Variants in ESCO1 observed in about 807,000 individuals in gnomAD.
The protein encoded by ESCO1 is N-acetyltransferase ESCO1.
Under a neutral mutation model 83.5 loss-of-function variants are expected in ESCO1, and 33 were observed. That is an observed-to-expected ratio of 0.40 (90% CI 0.30 to 0.53). The LOEUF (loss-of-function observed/expected upper bound fraction) is 0.53. Ranked by LOEUF, ESCO1 falls within the 20% of genes least tolerant of loss-of-function variation. The pLI is 0.63. For missense variants in ESCO1, 855 were observed against 968.0 expected (o/e 0.88, Z 1.55); for synonymous variants, 332 against 324.3 (o/e 1.02, Z -0.25).
chr18:21,537,514 GAC>G (rs1466564625), intron 9 of ESCO1, among the ~76,000 whole-genome samples: 2 of 152,170 alleles, frequency 1.3e-5, no homozygotes, highest in Non-Finnish European at 2.9e-5. Flanking sequence ...CAGCCTGGGT[GAC>G]AGAGTGGAAT....
chr18:21,599,788 C>T (rs941182315), intron 1 of ESCO1, among the ~76,000 whole-genome samples: 7 of 152,156 alleles, frequency 4.6e-5, no homozygotes, highest in African/African-American at 1.7e-4. Flanking sequence ...TCGGACGCAT[C>T]ATTGAGAGGC....
chr18:21,543,116 TC>T (rs1330574703), intron 8 of ESCO1, among the ~76,000 whole-genome samples: 1 of 152,212 alleles, frequency 6.6e-6, no homozygotes, highest in Non-Finnish European at 1.5e-5. Context: ...AACTTTATAT[TC>T]CTAATTTGTA....
intron 1 of ESCO1, among the ~76,000 whole-genome samples, chr18:21,589,935 C>T (rs1353022945): frequency 6.6e-6 from 1 of 151,868 alleles, no homozygotes; most frequent in Non-Finnish European, 1.5e-5. Flanking sequence ...TCATGCCATT[C>T]TCCTGCCTTA....
intron 7 of ESCO1, among the ~76,000 whole-genome samples, chr18:21,561,407 TGCCACCATGTCTG>T (rs1234722807): frequency 1.3e-5 from 2 of 152,076 alleles, no homozygotes; most frequent in African/African-American, 4.8e-5. Flanking sequence ...TACAGGGATG[TGCCACCATGTCTG>T]GCTAATTTTT....
intron 4 of ESCO1, among the ~76,000 whole-genome samples, chr18:21,568,778 C>G (rs757744345): frequency 3.3e-5 from 5 of 151,934 alleles, no homozygotes; most frequent in Non-Finnish European, 5.9e-5. Flanking sequence ...TGGCAAGCAC[C>G]TGTAATCCCA....
In ESCO1 at chr18:21,574,609, C is replaced by T. The variant is rs766295865; in HGVS notation, c.235G>A (p.Ala79Thr). 2.5e-5 allele frequency: 40 copies of T among 1,613,826 alleles called. No individual in the cohort carries two copies. The Middle Eastern group carries it at 9.9e-4, about 40-fold the overall frequency. The change falls in exon 4 of 12, where the codon GCT becomes ACT. Residue 79 changes from alanine (A) to threonine (T), a missense_variant. Coordinates refer to ENST00000269214, the MANE Select transcript of ESCO1 (RefSeq NM_052911.3). ...RSSKAASNDK[A>T]TKSINKNTVT... Reference sequence around the variant, plus strand: ...GTATTTTTATTAATGGATTTAGTAGCTTTATCATTAGATGCTGCCTTTGAT... The same window carrying T: ...GTATTTTTATTAATGGATTTAGTAGTTTTATCATTAGATGCTGCCTTTGAT...
chr18:21,530,613 C>T, intron 11 of ESCO1, 123 bp from the exon 12 acceptor site: 1 of 806,008 alleles, frequency 1.2e-6, no homozygotes. Context: ...TTTTTAGATA[C>T]TGCTGTATGT....
At chr18:21,598,157 A>C (rs1040291841) in intron 1 of ESCO1, among the ~76,000 whole-genome samples, 6 of 152,204 alleles carry the variant, frequency 3.9e-5, no homozygotes, top group Admixed American at 2.6e-4. Flanking sequence ...TGGTACAAAA[A>C]TCTGCCAATA....
intron 6 of ESCO1, among the ~76,000 whole-genome samples, chr18:21,565,932 A>G (rs1456259313): frequency 6.6e-6 from 1 of 152,156 alleles, no homozygotes; most frequent in African/African-American, 2.4e-5. Context: ...CCTCAACTCT[A>G]AAAAATAAAT....
At chr18:21,540,809 T>C in intron 8 of ESCO1, 6 of 759,020 alleles carry the variant, frequency 7.9e-6, no homozygotes, top group African/African-American at 3.8e-5. Context: ...ACAGAAGGAA[T>C]GAGCTTAACT....
chr18:21,552,512 G>C (rs999424350), intron 8 of ESCO1, among the ~76,000 whole-genome samples: 1 of 152,172 alleles, frequency 6.6e-6, no homozygotes, highest in African/African-American at 2.4e-5. Flanking sequence ...TGCAACAATT[G>C]TAAGTTTCCT....
chr18:21,537,870 C>T (rs911219388), intron 9 of ESCO1, among the ~76,000 whole-genome samples: 2 of 151,972 alleles, frequency 1.3e-5, no homozygotes, highest in African/African-American at 2.4e-5. Context: ...AGTTGACCCT[C>T]GAACAACAAA....
At chr18:21,583,520 T>A (rs955459239) in intron 2 of ESCO1, among the ~76,000 whole-genome samples, 1 of 151,912 alleles carries the variant, frequency 6.6e-6, no homozygotes, top group Non-Finnish European at 1.5e-5. Flanking sequence ...GGCATGTGCC[T>A]GTAGTCCCAG....
chr18:21,547,511 C>T (rs191840595), intron 8 of ESCO1, among the ~76,000 whole-genome samples: 2 of 152,154 alleles, frequency 1.3e-5, no homozygotes, highest in Admixed American at 1.3e-4. Context: ...ATAGGAGAAA[C>T]ATATAGTATA....
At chr18:21,577,832 T>G (rs534117519) in intron 2 of ESCO1, among the ~76,000 whole-genome samples, 69 of 152,098 alleles carry the variant, frequency 4.5e-4, no homozygotes, top group Non-Finnish European at 7.4e-4. Context: ...TAAATAGGAA[T>G]ATACACACTG....
At chr18:21,541,851 G>A (rs1277341366) in intron 8 of ESCO1, among the ~76,000 whole-genome samples, 2 of 152,110 alleles carry the variant, frequency 1.3e-5, no homozygotes, top group Non-Finnish European at 2.9e-5. Flanking sequence ...TTCCTGAACT[G>A]AATCATCTAA....
intron 8 of ESCO1, among the ~76,000 whole-genome samples, chr18:21,548,639 A>T (rs555768587): frequency 6.1e-4 from 92 of 151,774 alleles, no homozygotes; most frequent in Non-Finnish European, 1.0e-3. Context: ...CTCAAAAAAA[A>T]TTTTTAAATT....
chr18:21,589,155 T>C (rs1362541121), intron 1 of ESCO1, among the ~76,000 whole-genome samples: 3 of 151,642 alleles, frequency 2.0e-5, no homozygotes, highest in African/African-American at 7.3e-5. Flanking sequence ...AGGAGAATCA[T>C]TTGAACCTGG....
chr18:21,588,062 T>C (rs2146228102), intron 1 of ESCO1, among the ~76,000 whole-genome samples: 1 of 146,498 alleles, frequency 6.8e-6, no homozygotes, highest in Non-Finnish European at 1.5e-5. Flanking sequence ...GAACAGCCAC[T>C]GCACTCCAGC....
Sources: gnomAD v4.1 joint callset for allele counts (sites outside exome capture counted in the v4.1 genomes callset) on GRCh38, gnomAD v4.1.1 for gene constraint, MANE v1.5 for transcripts, NCBI Gene and HGNC (gene_info 2026-07-23, HGNC 2026-07-21) for gene names.